ZNF804B: variants seen among roughly 807,000 people sequenced by gnomAD.
The protein encoded by ZNF804B is zinc finger 804B.
ZNF804B carries 80 observed loss-of-function variants against 101.4 expected under a neutral mutation model. The observed-to-expected ratio is 0.79, with a 90% CI of 0.66 to 0.95. The LOEUF (loss-of-function observed/expected upper bound fraction) is 0.95. ZNF804B is among the 40% of genes least tolerant of loss of function. ZNF804B has a pLI of 0.00. For synonymous variants in ZNF804B, 622 were observed against 558.8 expected (o/e 1.11, Z -1.59); for missense variants, 1,673 against 1,561.9 (o/e 1.07, Z -1.20).
At chr7:89,301,831 T>C (rs1158830475) in intron 2 of ZNF804B, among the ~76,000 whole-genome samples, 1 of 151,904 alleles carries the variant, frequency 6.6e-6, no homozygotes, top group Admixed American at 6.6e-5. Context: ...TTCTCTGAGA[T>C]GGGGAAGATG....
intron 3 of ZNF804B, among the ~76,000 whole-genome samples, chr7:89,333,060 A>C (rs1401171923): frequency 6.6e-6 from 1 of 151,982 alleles, no homozygotes; most frequent in East Asian, 1.9e-4. Context: ...CTGTATTCCA[A>C]AGATTGATAG....
intron 1 of ZNF804B, among the ~76,000 whole-genome samples, chr7:88,845,299 GCGCA>G (rs1472502404): frequency 1.4e-5 from 2 of 138,400 alleles, no homozygotes; most frequent in African/African-American, 5.2e-5. Flanking sequence ...GCGCACGCGC[GCGCA>G]CACACACACA....
intron 1 of ZNF804B, among the ~76,000 whole-genome samples, chr7:88,950,484 A>ACAGG (rs67998653): frequency 1.0e-4 from 1 of 9,864 alleles, no homozygotes; most frequent in East Asian, 7.2e-3. Flanking sequence ...ATTCATGAAA[A>ACAGG]CAGATTATTT....
intron 1 of ZNF804B, among the ~76,000 whole-genome samples, chr7:88,777,600 T>C (rs573993417): frequency 6.6e-5 from 10 of 152,236 alleles, no homozygotes; most frequent in African/African-American, 2.4e-4. Flanking sequence ...ACCAGCACTT[T>C]GGGAGGCTAA....
At chr7:89,159,717 T>C (rs531828726) in intron 1 of ZNF804B, among the ~76,000 whole-genome samples, 1 of 152,256 alleles carries the variant, frequency 6.6e-6, no homozygotes, top group South Asian at 2.1e-4. Flanking sequence ...TGCTCACCAA[T>C]TTGAAATAAG....
intron 1 of ZNF804B, among the ~76,000 whole-genome samples, chr7:88,883,328 C>T (rs1235237293): frequency 1.3e-5 from 2 of 152,020 alleles, no homozygotes; most frequent in African/African-American, 2.4e-5. Flanking sequence ...TCTTTGTCTT[C>T]CACGTGTTTA....
intron 2 of ZNF804B, among the ~76,000 whole-genome samples, chr7:89,316,071 C>G (rs978167322): frequency 1.3e-5 from 2 of 152,030 alleles, no homozygotes; most frequent in Non-Finnish European, 1.5e-5. Context: ...CCAAACAAAA[C>G]TAAGCATGTG....
intron 1 of ZNF804B, among the ~76,000 whole-genome samples, chr7:89,087,299 G>C (rs1254054024): frequency 6.6e-6 from 1 of 151,562 alleles, no homozygotes; most frequent in African/African-American, 2.4e-5. Flanking sequence ...CAAAATGGTT[G>C]TGTGACTCTA....
intron 1 of ZNF804B, among the ~76,000 whole-genome samples, chr7:89,017,198 CTT>C (rs1399532612): frequency 1.3e-5 from 2 of 152,170 alleles, no homozygotes; most frequent in Admixed American, 1.3e-4. Context: ...TATCGTGAGA[CTT>C]TGCTGAAGTT....
chr7:89,291,078 T>A (rs1790282675), intron 2 of ZNF804B, among the ~76,000 whole-genome samples: 1 of 152,190 alleles, frequency 6.6e-6, no homozygotes, highest in African/African-American at 2.4e-5. Flanking sequence ...GTTACTGGGC[T>A]TGGAGTCCCA....
chr7:88,926,945 G>GGGGGGC (rs1554346844), intron 1 of ZNF804B, among the ~76,000 whole-genome samples: 6 of 149,896 alleles, frequency 4.0e-5, no homozygotes, highest in Admixed American at 2.0e-4. Context: ...GTGGGGAGCG[G>GGGGGGC]GGGGAAAGCT....
At chr7:89,250,236 C>T (rs1001738282) in intron 2 of ZNF804B, among the ~76,000 whole-genome samples, 14 of 151,782 alleles carry the variant, frequency 9.2e-5, no homozygotes, top group South Asian at 4.2e-4. Flanking sequence ...TAAGCACAAT[C>T]GGAAATGACA....
intron 1 of ZNF804B, among the ~76,000 whole-genome samples, chr7:88,977,939 G>A (rs575338470): frequency 2.8e-4 from 43 of 151,016 alleles, no homozygotes; most frequent in Non-Finnish European, 5.0e-4. Context: ...TTTGATTTTC[G>A]TTTGTTTCAA....
At chr7:89,053,934 T>G (rs1789250168) in intron 1 of ZNF804B, among the ~76,000 whole-genome samples, 1 of 152,076 alleles carries the variant, frequency 6.6e-6, no homozygotes, top group South Asian at 2.1e-4. Context: ...ACAGGTTTTG[T>G]CTATGTTGAA....
intron 1 of ZNF804B, among the ~76,000 whole-genome samples, chr7:89,143,045 G>A (rs1404533590): frequency 6.6e-6 from 1 of 151,958 alleles, no homozygotes; most frequent in Non-Finnish European, 1.5e-5. Flanking sequence ...TGTGGGAGGA[G>A]TTGAGGTTTG....
intron 1 of ZNF804B, among the ~76,000 whole-genome samples, chr7:88,919,339 G>T (rs887821331): frequency 2.0e-5 from 3 of 152,124 alleles, no homozygotes; most frequent in South Asian, 2.1e-4. Flanking sequence ...AATAGGAAAA[G>T]AAGTTTTAAT....
rs1031074584 is a variant in ZNF804B, at chr7:89,337,269, G to C, written c.*237G>C. On this transcript the variant is annotated 3_prime_UTR_variant, in exon 4 of 4. Coordinates refer to ENST00000333190, the MANE Select transcript of ZNF804B (RefSeq NM_181646.5). ...ATTTTATGAAAGCGTAGAGGGAAGA[G>C]GGAAAGAGTTAAAGATTTGTTTTGG... Among the ~76,000 whole-genome samples the C allele has an allele frequency of 1.3e-5, 2 of 152,096 alleles. No individual in the cohort carries two copies. Among genetic ancestry groups the C allele is most frequent in the Non-Finnish European group, 2.9e-5 (2 of 68,018 alleles).
intron 1 of ZNF804B, among the ~76,000 whole-genome samples, chr7:88,921,222 C>T (rs1377951711): frequency 1.3e-5 from 2 of 151,998 alleles, no homozygotes; most frequent in Admixed American, 1.3e-4. Flanking sequence ...TGGGAGAATG[C>T]AAAGTTGGTG....
intron 1 of ZNF804B, among the ~76,000 whole-genome samples, chr7:89,154,404 C>T (rs1165214532): frequency 7.9e-5 from 12 of 152,110 alleles, no homozygotes; most frequent in Non-Finnish European, 1.8e-4. Flanking sequence ...AGAGAGATAT[C>T]TGTATTTCCA....
Sources: allele counts gnomAD v4.1 joint callset (sites outside exome capture counted in the v4.1 genomes callset), GRCh38; gene constraint gnomAD v4.1.1; transcripts MANE v1.5; gene names NCBI Gene and HGNC (gene_info 2026-07-23, HGNC 2026-07-21).